Variants in LYST observed in about 807,000 individuals in gnomAD.
LYST encodes lysosomal-trafficking regulator.
In LYST, 192 loss-of-function variants were observed where a neutral mutation model predicts 413.6. That is an observed-to-expected ratio of 0.46 (90% CI 0.41 to 0.52). The LOEUF is 0.52. Ranked by LOEUF, LYST falls within the 20% of genes least tolerant of loss-of-function variation. The pLI, the probability that LYST is intolerant of heterozygous loss-of-function variation, is 0.00. For synonymous variants in LYST, 1,525 were observed against 1,567.3 expected, an observed-to-expected ratio of 0.97 and a Z score of 0.64; for missense variants, 3,815 against 4,499.9, an observed-to-expected ratio of 0.85 and a Z score of 4.35.
intron 31 of LYST, chr1:235,737,811 C>T: frequency 1.3e-6 from 1 of 740,974 alleles, no homozygotes; most frequent in Non-Finnish European, 1.7e-6. Context: ...GGCATGAATT[C>T]ATCATTCCAA....
intron 1 of LYST, among the ~76,000 whole-genome samples, chr1:235,858,893 G>A (rs1363810707): frequency 6.6e-6 from 1 of 152,140 alleles, no homozygotes; most frequent in Admixed American, 6.5e-5. Flanking sequence ...CAGGCTGCTG[G>A]AGAACACTGC....
chr1:235,673,354 G>A (rs1235183610), intron 50 of LYST, among the ~76,000 whole-genome samples: 1 of 152,070 alleles, frequency 6.6e-6, no homozygotes, highest in Non-Finnish European at 1.5e-5. Flanking sequence ...ACGCCAAAGA[G>A]AAATAGCATC....
At chr1:235,675,589 G>A (rs1240961786) in intron 50 of LYST, among the ~76,000 whole-genome samples, 1 of 152,130 alleles carries the variant, frequency 6.6e-6, no homozygotes, top group East Asian at 1.9e-4. Context: ...CCAGAACATG[G>A]TGCACCCTAA....
intron 1 of LYST, among the ~76,000 whole-genome samples, chr1:235,855,771 T>G (rs188253070): frequency 1.2e-3 from 187 of 152,230 alleles, no homozygotes; most frequent in African/African-American, 4.3e-3. Context: ...ACACAGATAT[T>G]TATAAGCTTT....
chr1:235,787,061 G>A lies in LYST; in HGVS notation c.4862+139C>T, dbSNP rs1056186151. 2.1e-5 allele frequency: 14 copies of A among 668,234 alleles called. No homozygotes were observed. In the African/African-American group the frequency reaches 2.4e-4, roughly 11 times the overall value. The allele number at this position is 668,234 out of a possible 1,614,324, so 41.4% of individuals were successfully genotyped here. A position where few individuals can be genotyped will look rare whatever the true frequency, so the allele number is the denominator to read the frequency against. ...TTAAAGTACAATAATAATAAAAAAA[G>A]AAACAACAAAAAATATAGTAAATTT... On this transcript the variant is annotated intron_variant, in intron 14 of 52. Coordinates refer to ENST00000389793, the MANE Select transcript of LYST (RefSeq NM_000081.4).
At chr1:235,878,068 T>C (rs1211519586) in intron 1 of LYST, among the ~76,000 whole-genome samples, 1 of 152,168 alleles carries the variant, frequency 6.6e-6, no homozygotes, top group African/African-American at 2.4e-5. Context: ...ATGCAATGCA[T>C]TTAAACATGT....
chr1:235,789,481 C>T (rs892517627), intron 12 of LYST, among the ~76,000 whole-genome samples: 2 of 152,158 alleles, frequency 1.3e-5, no homozygotes, highest in Non-Finnish European at 2.9e-5. Context: ...AAACCCAGCA[C>T]TGCCTGAAGA....
At chr1:235,781,183 T>C in intron 15 of LYST, 128 bp from the exon 16 acceptor site, 1 of 660,902 alleles carries the variant, frequency 1.5e-6, no homozygotes, top group Non-Finnish European at 2.7e-6. Context: ...TTTATAAAAT[T>C]GATAAAGCCT....
At chr1:235,771,800 TAAC>T (rs1482230438) in intron 19 of LYST, among the ~76,000 whole-genome samples, 2 of 152,066 alleles carry the variant, frequency 1.3e-5, no homozygotes, top group African/African-American at 4.8e-5. Context: ...CCTCTTCATG[TAAC>T]AACAATTTTG....
At position 235,810,273 on chromosome 1, in the gene LYST, T is replaced by C. The variant is rs777370734; in HGVS notation, c.545A>G (p.His182Arg). Residue 182 changes from histidine to arginine, a missense_variant, in exon 5 of 53, where the codon CAT becomes CGT. By Grantham distance (29) the His-to-Arg change is conservative. This residue lies in a region of LYST where 1,648 missense variants were observed against 1,810.3 expected (regional missense o/e 0.91). Coordinates refer to ENST00000389793, the MANE Select transcript of LYST (RefSeq NM_000081.4). ...SDEKGIAMNK[H>R]RRPHLLHHFL... ...ATGATGCAGCAGATGGGGCCTTCTATGCTTATTCATTGCTATGCCTTTTTC... is the reference window on the plus strand; with the variant it reads ...ATGATGCAGCAGATGGGGCCTTCTACGCTTATTCATTGCTATGCCTTTTTC... 3 of 1,614,202 alleles carry C rather than the reference T, an allele frequency of 1.9e-6. No individual in the cohort carries two copies. Among genetic ancestry groups the C allele is most frequent in the Non-Finnish European group, 1.7e-6 (2 of 1,180,006 alleles).
chr1:235,711,608 C>T (rs934496214), intron 43 of LYST, among the ~76,000 whole-genome samples: 1 of 152,180 alleles, frequency 6.6e-6, no homozygotes, highest in African/African-American at 2.4e-5. Flanking sequence ...TGATTTTATA[C>T]TCCAGTATTC....
intron 1 of LYST, among the ~76,000 whole-genome samples, chr1:235,858,733 T>C (rs1417822185): frequency 4.6e-5 from 7 of 152,174 alleles, no homozygotes; most frequent in Admixed American, 2.6e-4. Context: ...CTACTCAAGT[T>C]TTCCATCACA....
chr1:235,680,602 C>CT (rs112884652), intron 48 of LYST, among the ~76,000 whole-genome samples: 6,987 of 142,280 alleles, frequency 0.049, 511 homozygotes, highest in African/African-American at 0.16. Context: ...AAGTGATTTT[C>CT]TTTTTTTTTT....
intron 1 of LYST, among the ~76,000 whole-genome samples, chr1:235,873,383 T>C (rs561832568): frequency 6.6e-5 from 10 of 152,346 alleles, no homozygotes; most frequent in African/African-American, 2.4e-4. Context: ...AATTCTGTCC[T>C]GTTTTTCTGC....
At position 235,746,423 on chromosome 1, in the gene LYST, C is replaced by T. The variant is rs1405240939; in HGVS notation, c.7885G>A (p.Glu2629Lys). Residue 2629 changes from glutamate to lysine, a missense_variant, in exon 29 of 53, where the codon GAG becomes AAG. Physicochemically the swap from Glu to Lys is moderately conservative, Grantham distance 56. Transcript: ENST00000389793. Reference protein sequence around the residue: ...HVMMQRRMSQENPSQATETEL... With the variant: ...HVMMQRRMSQKNPSQATETEL... Reference sequence around the variant, plus strand: ...GTTTCAGTTGCTTGGCTAGGGTTCTCTTGGCTCATTCTCCGTTGCATCATC... The same window carrying T: ...GTTTCAGTTGCTTGGCTAGGGTTCTTTTGGCTCATTCTCCGTTGCATCATC... The T allele has an allele frequency of 1.2e-6, 2 of 1,613,964 alleles. No individual in the cohort carries two copies. The highest frequency in any genetic ancestry group is 1.7e-5 in the Admixed American group (1 of 60,006).
intron 17 of LYST, among the ~76,000 whole-genome samples, chr1:235,775,480 G>A (rs1669140065): frequency 6.6e-6 from 1 of 152,134 alleles, no homozygotes; most frequent in African/African-American, 2.4e-5. Context: ...AAAGAGATAA[G>A]ATGTATCTAT....
Position 235,759,508 on chromosome 1 carries a change from T to C in LYST, c.6345A>G (p.Leu2115=). The C allele has an allele frequency of 1.2e-6, 2 of 1,614,080 alleles. No individual in the cohort carries two copies. Among genetic ancestry groups the C allele is most frequent in the Non-Finnish European group, 1.7e-6 (2 of 1,179,938 alleles). The change falls in exon 23 of 53, where the codon CTA becomes CTG. Residue 2115 remains leucine (L), a synonymous_variant. Coordinates refer to ENST00000389793, the MANE Select transcript of LYST (RefSeq NM_000081.4). ...SLPAFPTSSL[L]TQSQKLTGSL... ...TTCCAGTCAGTTTTTGTGATTGCGT[T>C]AGTAGTGAAGAAGTAGGGAATGCTG...
chr1:235,795,123 G>A (rs1189184816), intron 10 of LYST, among the ~76,000 whole-genome samples: 3 of 152,124 alleles, frequency 2.0e-5, no homozygotes, highest in South Asian at 2.1e-4. Flanking sequence ...GTAAGAAGCC[G>A]AGCTGTCCAT....
intron 46 of LYST, 80 bp downstream of exon 46, chr1:235,697,003 G>A (rs1661160201): frequency 2.9e-6 from 4 of 1,372,656 alleles, no homozygotes; most frequent in Non-Finnish European, 4.1e-6. Context: ...AGGACTCAAA[G>A]TAGCAGCACA....
Sources: allele counts gnomAD v4.1 joint callset (sites outside exome capture counted in the v4.1 genomes callset), GRCh38; gene constraint gnomAD v4.1.1; regional missense constraint gnomAD v4.1.1; transcripts MANE v1.5; gene names NCBI Gene and HGNC (gene_info 2026-07-23, HGNC 2026-07-21).